LCLAT1: variants seen among roughly 807,000 people sequenced by gnomAD.
LCLAT1 encodes the protein 1-AGP acyltransferase 8.
A neutral mutation model predicts 30.7 loss-of-function variants in LCLAT1; 11 were observed. The ratio of observed to expected loss-of-function variants is 0.36; its 90% CI spans 0.23 to 0.59. LCLAT1 has a LOEUF of 0.59. Ranked by LOEUF, LCLAT1 falls within the 20% of genes least tolerant of loss-of-function variation. The pLI is 0.77. For missense variants in LCLAT1, 402 were observed against 458.6 expected, an observed-to-expected ratio of 0.88 and a Z score of 1.13; for synonymous variants, 155 against 151.3, an observed-to-expected ratio of 1.02 and a Z score of -0.18.
intron 5 of LCLAT1, among the ~76,000 whole-genome samples, chr2:30,596,121 T>C (rs1195831020): frequency 6.6e-6 from 1 of 152,220 alleles, no homozygotes; most frequent in Non-Finnish European, 1.5e-5. Flanking sequence ...TCTTTCTTTA[T>C]AATAGAATGA....
At chr2:30,579,835 A>G (rs1355537734) in intron 5 of LCLAT1, among the ~76,000 whole-genome samples, 1 of 152,132 alleles carries the variant, frequency 6.6e-6, no homozygotes, top group African/African-American at 2.4e-5. Context: ...TGGTGAGTAC[A>G]TTGTTCCCTT....
At chr2:30,498,708 G>T (rs1684230565) in intron 1 of LCLAT1, among the ~76,000 whole-genome samples, 1 of 152,178 alleles carries the variant, frequency 6.6e-6, no homozygotes, top group Admixed American at 6.5e-5. Flanking sequence ...CTGTAAAATG[G>T]ATATATGGTT....
intron 5 of LCLAT1, among the ~76,000 whole-genome samples, chr2:30,595,067 T>G (rs560408563): frequency 6.6e-6 from 1 of 152,312 alleles, no homozygotes; most frequent in East Asian, 1.9e-4. Flanking sequence ...TCATAGCCTT[T>G]TTGTGAATAA....
intron 5 of LCLAT1, among the ~76,000 whole-genome samples, chr2:30,602,079 G>C (rs1405276504): frequency 6.6e-6 from 1 of 152,018 alleles, no homozygotes; most frequent in Admixed American, 6.6e-5. Flanking sequence ...TTTTCATCCA[G>C]CTTCTTTCTC....
chr2:30,567,336 A>G (rs975992300), intron 4 of LCLAT1, among the ~76,000 whole-genome samples: 1 of 152,184 alleles, frequency 6.6e-6, no homozygotes, highest in Non-Finnish European at 1.5e-5. Flanking sequence ...TTCAGTAAGT[A>G]TAACCGAGCA....
chr2:30,583,826 A>C (rs1666308820), intron 5 of LCLAT1, among the ~76,000 whole-genome samples: 1 of 152,022 alleles, frequency 6.6e-6, no homozygotes, highest in East Asian at 1.9e-4. Context: ...CAGGATTTTA[A>C]ATTTGCTTTG....
chr2:30,579,618 T>C (rs975985679), intron 5 of LCLAT1, among the ~76,000 whole-genome samples: 1 of 152,042 alleles, frequency 6.6e-6, no homozygotes, highest in Non-Finnish European at 1.5e-5. Context: ...AATGGCAGGA[T>C]TTGAATTGGT....
intron 1 of LCLAT1, among the ~76,000 whole-genome samples, chr2:30,456,973 C>G (rs1681869647): frequency 6.6e-6 from 1 of 152,188 alleles, no homozygotes; most frequent in Non-Finnish European, 1.5e-5. Context: ...CAGTAAGACA[C>G]TGAAGGAAGC....
rs568062850 is a variant in LCLAT1 at position 30,530,644 on chromosome 2, C to T, written c.166-2472C>T. Among the ~76,000 whole-genome samples the T allele has an allele frequency of 3.3e-5, 5 of 152,220 alleles. No individual in the cohort carries two copies. The South Asian group carries it at 8.3e-4, about 25-fold the overall frequency. ...CACTGTAACCTGAAATTCCTGGACT[C>T]GAGTAATCCTTCTGCCTCAGCCTCC... On this transcript the variant is annotated intron_variant, in intron 2 of 5. Coordinates refer to ENST00000379509, the MANE Select transcript of LCLAT1 (RefSeq NM_001002257.3).
chr2:30,591,605 T>C (rs1411825947), intron 5 of LCLAT1, among the ~76,000 whole-genome samples: 2 of 152,214 alleles, frequency 1.3e-5, no homozygotes, highest in African/African-American at 4.8e-5. Context: ...ATATTACTGA[T>C]AGAATAATCA....
At chr2:30,450,215 G>A (rs927344625) in intron 1 of LCLAT1, among the ~76,000 whole-genome samples, 1 of 152,214 alleles carries the variant, frequency 6.6e-6, no homozygotes, top group African/African-American at 2.4e-5. Flanking sequence ...ACATAAAAGG[G>A]AACAGTTACT....
At chr2:30,626,497 T>C (rs1284290884) in intron 5 of LCLAT1, among the ~76,000 whole-genome samples, 1 of 152,238 alleles carries the variant, frequency 6.6e-6, no homozygotes, top group Non-Finnish European at 1.5e-5. Flanking sequence ...TAAGCTCTTC[T>C]GTATTTATGA....
intron 1 of LCLAT1, among the ~76,000 whole-genome samples, chr2:30,517,503 C>T (rs1685238332): frequency 1.3e-5 from 2 of 152,378 alleles, no homozygotes; most frequent in South Asian, 4.1e-4. Flanking sequence ...ATCTCCAAGC[C>T]TCAGCTCCTT....
At chr2:30,493,473 C>G (rs1329004968) in intron 1 of LCLAT1, among the ~76,000 whole-genome samples, 2 of 152,116 alleles carry the variant, frequency 1.3e-5, no homozygotes, top group Non-Finnish European at 2.9e-5. Flanking sequence ...CAAATGAAGT[C>G]CGGGAGGAAT....
chr2:30,512,949 A>G (rs1451334719), intron 1 of LCLAT1, among the ~76,000 whole-genome samples: 5 of 152,182 alleles, frequency 3.3e-5, no homozygotes, highest in Admixed American at 2.6e-4. Flanking sequence ...AGTTCTTGAA[A>G]TATAATTATT....
At chr2:30,471,974 C>G (rs189622480) in intron 1 of LCLAT1, among the ~76,000 whole-genome samples, 1 of 152,124 alleles carries the variant, frequency 6.6e-6, no homozygotes, top group Non-Finnish European at 1.5e-5. Flanking sequence ...TCACTTTATC[C>G]CTGAGCATGA....
intron 1 of LCLAT1, among the ~76,000 whole-genome samples, chr2:30,506,500 T>C (rs1684668143): frequency 6.6e-6 from 1 of 152,208 alleles, no homozygotes; most frequent in South Asian, 2.1e-4. Context: ...ATTTAAAGTT[T>C]TTTATAATAA....
At position 30,606,675 on chromosome 2, in the gene LCLAT1, T is replaced by C. The variant is rs921420430; in HGVS notation, c.629-33442T>C. The C allele has an allele frequency of 2.9e-4, 43 of 150,326 alleles. No individual in the cohort carries two copies. In the East Asian group the frequency reaches 8.4e-3, roughly 29 times the overall value. 9.3% of individuals were successfully genotyped at this position (150,326 alleles called of 1,614,324 possible). On this transcript the variant is annotated intron_variant, in intron 5 of 5. Transcript: ENST00000379509. ...GGCAATACCATTCAGGACATAAGCA[T>C]GGGCAAAGATTTCATGATGAAGATG...
At chr2:30,496,334 G>A (rs566817499) in intron 1 of LCLAT1, among the ~76,000 whole-genome samples, 1 of 152,284 alleles carries the variant, frequency 6.6e-6, no homozygotes, top group South Asian at 2.1e-4. Context: ...GGGGAATCCT[G>A]TAGGGTAGTG....
Sources: allele counts gnomAD v4.1 joint callset (sites outside exome capture counted in the v4.1 genomes callset), GRCh38; gene constraint gnomAD v4.1.1; transcripts MANE v1.5; gene names NCBI Gene and HGNC (gene_info 2026-07-23, HGNC 2026-07-21).